Variants in EXOSC10 observed in about 807,000 individuals in gnomAD.
EXOSC10 encodes the protein exosome complex component 10.
Under a neutral mutation model 126.6 loss-of-function variants are expected in EXOSC10, and 94 were observed. That is an observed-to-expected ratio of 0.74 (90% CI 0.63 to 0.88). The LOEUF (loss-of-function observed/expected upper bound fraction) is 0.88, where lower values mean the gene tolerates loss of function less well. Among genes scored for constraint, EXOSC10 ranks in the 40% least tolerant of loss-of-function variants. The pLI is 0.00. For missense variants in EXOSC10, 1,041 were observed against 1,100.5 expected, an observed-to-expected ratio of 0.95 and a Z score of 0.77; for synonymous variants, 395 against 400.8, an observed-to-expected ratio of 0.99 and a Z score of 0.17.
In EXOSC10 at chr1:11,099,858, C is replaced by T. The variant is rs759469352; in HGVS notation, c.-27G>A. 1 of 1,575,472 alleles carries T rather than the reference C, an allele frequency of 6.3e-7. No individual in the cohort carries two copies. Among genetic ancestry groups the T allele is most frequent in the Non-Finnish European group, 8.6e-7 (1 of 1,160,260 alleles). On this transcript the variant is annotated 5_prime_UTR_variant, in exon 1 of 25. Transcript: ENST00000376936. The stretch of plus-strand genomic sequence containing the variant: ...TTTTCAGCCTGCACGGCTCGTCTCG[C>T]GAGAGCTTGTCGGCCGAGGAGACGG...
chr1:11,076,659 C>A (rs938553364), intron 17 of EXOSC10, among the ~76,000 whole-genome samples, 183 bp downstream of exon 17: 3 of 150,252 alleles, frequency 2.0e-5, no homozygotes, highest in Non-Finnish European at 4.4e-5. Context: ...CCCAGACCAC[C>A]TCCTCCAGAG....
Position 11,070,931 on chromosome 1 carries a change from TCTG to T in EXOSC10, c.2282_2284del (p.Ala761del). 1 of 1,613,866 alleles carries T rather than the reference TCTG, an allele frequency of 6.2e-7. No individual in the cohort carries two copies. Among genetic ancestry groups the T allele is most frequent in the Non-Finnish European group, 8.5e-7 (1 of 1,179,742 alleles). On this transcript the variant is annotated inframe_deletion, in exon 21 of 25. Transcript: ENST00000376936. The stretch of plus-strand genomic sequence containing the variant: ...CTGCTGTCGGACGGAGATGGCCTGT[TCTG>T]CTGCAGCTTTGCACGCCTCCTTTGC...
At chr1:11,069,227 C>CTG (rs146028725) in intron 22 of EXOSC10, among the ~76,000 whole-genome samples, 2,443 of 135,434 alleles carry the variant, frequency 0.018, 74 homozygotes, top group African/African-American at 0.054. Context: ...AAACAAAATT[C>CTG]TGTGTGTGTG....
chr1:11,072,146 T>C lies in EXOSC10; in HGVS notation c.2183A>G (p.Gln728Arg), dbSNP rs1171695597. The C allele has an allele frequency of 6.2e-7, 1 of 1,613,482 alleles. No individual in the cohort carries two copies. The highest frequency in any genetic ancestry group is 1.1e-5 in the South Asian group (1 of 90,938). The change falls in exon 20 of 25, where the codon CAG becomes CGG. Residue 728 changes from glutamine (Q) to arginine (R), a missense_variant. Physicochemically the swap from Gln to Arg is conservative, Grantham distance 43. Transcript: ENST00000376936. ...TTTAGAGTCTTTTTGTACTTGTACC[T>C]GGGCCAGCTTCCAGCGGTTGCTGAT... ...YEISNRWKLA[Q>R]VQVQKDSKEA...
rs1410924727 is a variant in EXOSC10 at position 11,089,152 on chromosome 1, G to T, written c.759-954C>A. Among the ~76,000 whole-genome samples the T allele has an allele frequency of 2.7e-5, 4 of 146,006 alleles. No individual in the cohort carries two copies. In the East Asian group the frequency reaches 8.3e-4, roughly 30 times the overall value. On this transcript the variant is annotated intron_variant, in intron 6 of 24. Transcript: ENST00000376936. Reference sequence around the variant, plus strand: ...AGGCTGAGGCAGGGGGATTGCTTGAGCCCCAGGGTTCAAGGCTACAGTGAG... The same window carrying T: ...AGGCTGAGGCAGGGGGATTGCTTGATCCCCAGGGTTCAAGGCTACAGTGAG...
intron 9 of EXOSC10, among the ~76,000 whole-genome samples, chr1:11,086,663 A>G (rs1640511359): frequency 6.6e-6 from 1 of 152,068 alleles, no homozygotes; most frequent in Non-Finnish European, 1.5e-5. Flanking sequence ...GGATTAAGAA[A>G]CTCACTCAAA....
chr1:11,093,922 A>G (rs1396235843), intron 3 of EXOSC10, among the ~76,000 whole-genome samples: 2 of 151,818 alleles, frequency 1.3e-5, no homozygotes, highest in African/African-American at 4.8e-5. Flanking sequence ...CTATAAAATA[A>G]AAAAAAATTC....
chr1:11,079,492 C>T (rs1640024198), intron 14 of EXOSC10, among the ~76,000 whole-genome samples: 1 of 148,996 alleles, frequency 6.7e-6, no homozygotes, highest in African/African-American at 2.5e-5. Context: ...CTCCCGGATT[C>T]AAGCAATTCT....
Position 11,077,654 on chromosome 1 carries a change from A to G in EXOSC10, c.1750-3T>C, listed in dbSNP as rs754145467. On this transcript the variant is annotated splice_polypyrimidine_tract_variant and splice_region_variant and intron_variant, in intron 14 of 24. Transcript: ENST00000376936. ...TTCACTCCGGCTGCAACTTCAGACTAAGGAAAAAAACGAAGGGAATTGAGG... is the reference window on the plus strand; with the variant it reads ...TTCACTCCGGCTGCAACTTCAGACTGAGGAAAAAAACGAAGGGAATTGAGG... The G allele has an allele frequency of 6.2e-7, 1 of 1,606,020 alleles. No individual in the cohort carries two copies. The highest frequency in any genetic ancestry group is 8.5e-7 in the Non-Finnish European group (1 of 1,173,614).
At chr1:11,068,569 C>A in intron 23 of EXOSC10, 76 bp downstream of exon 23, 5 of 1,099,794 alleles carry the variant, frequency 4.5e-6, no homozygotes, top group Non-Finnish European at 7.0e-6. Context: ...CCTGGATGGG[C>A]CTGTCTTCTC....
intron 17 of EXOSC10, among the ~76,000 whole-genome samples, chr1:11,075,713 T>C (rs1335897160): frequency 6.6e-6 from 1 of 152,012 alleles, no homozygotes; most frequent in African/African-American, 2.4e-5. Flanking sequence ...TGGCTGGGCA[T>C]GGTGGCATAC....
chr1:11,079,717 C>CGGTAAGGTAAGAAGAG lies in EXOSC10; in HGVS notation c.1742_1743insCTCTTCTTACCTTACC (p.Leu582SerfsTer9). The CGGTAAGGTAAGAAGAG allele has an allele frequency of 6.2e-7, 1 of 1,613,058 alleles. No individual in the cohort carries two copies. Among genetic ancestry groups the CGGTAAGGTAAGAAGAG allele is most frequent in the African/African-American group, 1.3e-5 (1 of 74,984 alleles). ...CCGCAGAAAAGCTTCTTACCTTGAG[C>CGGTAAGGTAAGAAGAG]AGGGGCATCTCTCGGGCCTGCTGGA... is the stretch of plus-strand genomic sequence containing the variant. On this transcript the variant is annotated frameshift_variant, in exon 14 of 25. Coordinates refer to ENST00000376936, the MANE Select transcript of EXOSC10 (RefSeq NM_001001998.3). LOFTEE classifies it high-confidence loss of function.
chr1:11,071,016 A>G (rs772735116), intron 20 of EXOSC10, 43 bp from the exon 21 acceptor site: 17 of 1,571,064 alleles, frequency 1.1e-5, no homozygotes, highest in Non-Finnish European at 1.5e-5. Flanking sequence ...TGAATCCAGC[A>G]ACCACCCTCC....
In EXOSC10 at chr1:11,074,561, T is replaced by C. The variant is rs2100961850; in HGVS notation, c.1987-235A>G. ...CTGAGTAGCTGGGATTACAGGCACGTGCCACCATGCCCAGCTAATTTTTGT... is the reference window on the plus strand; with the variant it reads ...CTGAGTAGCTGGGATTACAGGCACGCGCCACCATGCCCAGCTAATTTTTGT... On this transcript the variant is annotated intron_variant, in intron 17 of 24. Coordinates refer to ENST00000376936, the MANE Select transcript of EXOSC10 (RefSeq NM_001001998.3). Among the ~76,000 whole-genome samples the C allele has an allele frequency of 1.3e-5, 2 of 151,916 alleles. 1 individual carries two copies. Among genetic ancestry groups the C allele is most frequent in the Middle Eastern group, 6.8e-3 (2 of 294 alleles).
chr1:11,077,513 C>A (rs758897194), intron 15 of EXOSC10, 70 bp from the exon 16 acceptor site: 1 of 1,600,644 alleles, frequency 6.2e-7, no homozygotes, highest in Non-Finnish European at 8.6e-7. Context: ...TGCCAGCTGT[C>A]AGCACAGGCC....
intron 9 of EXOSC10, among the ~76,000 whole-genome samples, chr1:11,084,832 G>T (rs2100991322): frequency 6.6e-6 from 1 of 152,282 alleles, no homozygotes; most frequent in African/African-American, 2.4e-5. Flanking sequence ...TCCAGTTTCA[G>T]CTTTCTACAT....
chr1:11,086,855 T>C (rs12125861), intron 9 of EXOSC10, among the ~76,000 whole-genome samples: 10,970 of 152,100 alleles, frequency 0.072, 616 homozygotes, highest in East Asian at 0.15. Flanking sequence ...TAAATGCCCA[T>C]AATAGAAAGC....
In EXOSC10 at chr1:11,076,967, GTAA is replaced by G; in HGVS notation, c.1880-22_1880-20del. The G allele has an allele frequency of 6.3e-7, 1 of 1,582,028 alleles. No individual in the cohort carries two copies. ...ACAGATCCTAGAGGAGCAGAAGATA[GTAA>G]GGTCAAAGCCTACAGAATTTTGTTT... On this transcript the variant is annotated intron_variant, in intron 16 of 24. Transcript: ENST00000376936.
intron 1 of EXOSC10, 51 bp from the exon 2 acceptor site, chr1:11,098,207 T>C (rs750302634): frequency 1.9e-6 from 3 of 1,550,008 alleles, no homozygotes; most frequent in Middle Eastern, 1.7e-4. Flanking sequence ...CCCCATTCAT[T>C]TGGTATGTCA....
Sources: gnomAD v4.1 joint callset for allele counts (sites outside exome capture counted in the v4.1 genomes callset) on GRCh38, gnomAD v4.1.1 for gene constraint, MANE v1.5 for transcripts, NCBI Gene and HGNC (gene_info 2026-07-23, HGNC 2026-07-21) for gene names.